Variants in SLC44A1 observed in about 807,000 individuals in gnomAD.
SLC44A1 encodes solute carrier family 44 member 1.
SLC44A1 carries 26 observed loss-of-function variants against 79.3 expected under a neutral mutation model. The observed-to-expected ratio is 0.33, with a 90% CI of 0.24 to 0.46. SLC44A1 has a LOEUF of 0.46. SLC44A1 is among the 20% of genes least tolerant of loss of function. The pLI is 1.00. For missense variants in SLC44A1, 688 were observed against 798.1 expected (o/e 0.86, Z 1.66); for synonymous variants, 263 against 286.2 (o/e 0.92, Z 0.82).
chr9:105,418,570 AC>A (rs1417684055), intron 15 of SLC44A1, among the ~76,000 whole-genome samples: 2 of 152,136 alleles, frequency 1.3e-5, no homozygotes, highest in Non-Finnish European at 2.9e-5. Context: ...ATGGAGTCTG[AC>A]AGTCATTAAC....
At chr9:105,285,816 G>A (rs550813820) in intron 1 of SLC44A1, among the ~76,000 whole-genome samples, 3 of 152,208 alleles carry the variant, frequency 2.0e-5, no homozygotes. Context: ...CTTCTTTTGT[G>A]GATCTTCAGT....
At chr9:105,268,504 G>C (rs1024623432) in intron 1 of SLC44A1, among the ~76,000 whole-genome samples, 1 of 151,828 alleles carries the variant, frequency 6.6e-6, no homozygotes, top group Non-Finnish European at 1.5e-5. Flanking sequence ...CTATTTTAAC[G>C]ATCTTCTTTT....
intron 1 of SLC44A1, among the ~76,000 whole-genome samples, chr9:105,269,094 C>T (rs1830024594): frequency 1.3e-5 from 2 of 152,056 alleles, no homozygotes; most frequent in South Asian, 2.1e-4. Context: ...TTTTATTATC[C>T]AGTGTATGTG....
intron 1 of SLC44A1, among the ~76,000 whole-genome samples, chr9:105,248,733 A>G (rs1401478307): frequency 6.6e-6 from 1 of 152,176 alleles, no homozygotes; most frequent in Non-Finnish European, 1.5e-5. Context: ...CTTAAAATTT[A>G]TTCCCATCTC....
intron 4 of SLC44A1, among the ~76,000 whole-genome samples, chr9:105,341,356 AAG>A (rs903248216): frequency 2.4e-4 from 36 of 150,996 alleles, no homozygotes; most frequent in Non-Finnish European, 4.4e-4. Flanking sequence ...AAAAAAGAAA[AAG>A]AAAATAATAA....
At chr9:105,415,094 A>G (rs1829150533) in intron 15 of SLC44A1, among the ~76,000 whole-genome samples, 1 of 152,218 alleles carries the variant, frequency 6.6e-6, no homozygotes, top group South Asian at 2.1e-4. Flanking sequence ...AACTTTGTGA[A>G]GGTAGCCAAG....
chr9:105,361,348 C>A lies in SLC44A1; in HGVS notation c.900+18C>A, dbSNP rs746035227. On this transcript the variant is annotated intron_variant, in intron 8 of 15. Transcript: ENST00000374720. ...TGTTCACAGTGAGTTTAGGCTTTGGCGTGTCTTTCGGTTTTGTGTTTTTGT... is the reference window on the plus strand; with the variant it reads ...TGTTCACAGTGAGTTTAGGCTTTGGAGTGTCTTTCGGTTTTGTGTTTTTGT... 1 of 1,563,268 alleles carries A rather than the reference C, an allele frequency of 6.4e-7. No individual in the cohort carries two copies.
Position 105,391,773 on chromosome 9 carries a change from A to G in SLC44A1, c.*2717A>G. On this transcript the variant is annotated 3_prime_UTR_variant, in exon 16 of 16. Transcript: ENST00000374720. ...AGTGAGAAGAATAGATGAAGAACAG[A>G]AATTTCTCTGTGAAATGTGGATACC... 1 of 985,378 alleles carries G rather than the reference A, an allele frequency of 1.0e-6. No individual in the cohort carries two copies. The allele number at this position is 985,378 out of a possible 1,614,324, so 61.0% of individuals were successfully genotyped here.
intron 1 of SLC44A1, among the ~76,000 whole-genome samples, chr9:105,288,050 G>A (rs1176926876): frequency 1.3e-5 from 2 of 152,146 alleles, no homozygotes; most frequent in Non-Finnish European, 2.9e-5. Context: ...TGGGAAAAAT[G>A]CATTATAAAT....
intron 4 of SLC44A1, among the ~76,000 whole-genome samples, chr9:105,343,406 T>C (rs1194386102): frequency 6.6e-6 from 1 of 152,250 alleles, no homozygotes; most frequent in East Asian, 1.9e-4. Context: ...TAATTGTGAA[T>C]ACTAATAAGT....
intron 15 of SLC44A1, among the ~76,000 whole-genome samples, chr9:105,424,964 A>AAAAGAAAG (rs1554691708): frequency 6.7e-6 from 1 of 148,284 alleles, no homozygotes; most frequent in African/African-American, 2.6e-5. Context: ...AAAAAAAAAG[A>AAAAGAAAG]AAAGAAAGAA....
intron 3 of SLC44A1, among the ~76,000 whole-genome samples, chr9:105,318,835 G>A (rs1826288331): frequency 6.6e-6 from 1 of 151,702 alleles, no homozygotes; most frequent in South Asian, 2.1e-4. Context: ...ATGCAGCTAG[G>A]CGGCAAGGAA....
intron 3 of SLC44A1, among the ~76,000 whole-genome samples, chr9:105,324,293 T>C (rs1826500961): frequency 1.3e-5 from 2 of 149,238 alleles, no homozygotes; most frequent in South Asian, 4.3e-4. Flanking sequence ...CTCTGTGGTC[T>C]AGGTGGGAGT....
At chr9:105,299,066 C>A (rs930821955) in intron 1 of SLC44A1, among the ~76,000 whole-genome samples, 154 bp from the exon 2 acceptor site, 1 of 152,120 alleles carries the variant, frequency 6.6e-6, no homozygotes, top group Non-Finnish European at 1.5e-5. Flanking sequence ...ATAAACGTCA[C>A]AGAAAAGGTG....
chr9:105,342,524 A>ATC (rs1827126101), intron 4 of SLC44A1, among the ~76,000 whole-genome samples: 1 of 152,120 alleles, frequency 6.6e-6, no homozygotes, highest in Non-Finnish European at 1.5e-5. Context: ...TTCAGCTTTC[A>ATC]TCTCAGCCCA....
At chr9:105,256,444 C>G (rs1228528901) in intron 1 of SLC44A1, among the ~76,000 whole-genome samples, 1 of 152,154 alleles carries the variant, frequency 6.6e-6, no homozygotes, top group African/African-American at 2.4e-5. Flanking sequence ...CAAAGTAAGT[C>G]CAGAAGTAGT....
At chr9:105,363,354 G>T (rs1279339336) in intron 9 of SLC44A1, among the ~76,000 whole-genome samples, 3 of 151,704 alleles carry the variant, frequency 2.0e-5, no homozygotes, top group African/African-American at 7.3e-5. Context: ...GTAGAGACAG[G>T]GTTTCACCAT....
At chr9:105,341,360 AAAT>A (rs901329156) in intron 4 of SLC44A1, among the ~76,000 whole-genome samples, 6 of 151,386 alleles carry the variant, frequency 4.0e-5, no homozygotes, top group African/African-American at 1.2e-4. Flanking sequence ...AAGAAAAAGA[AAAT>A]AATAATAATA....
intron 15 of SLC44A1, among the ~76,000 whole-genome samples, chr9:105,414,857 T>C (rs1829146693): frequency 6.6e-6 from 1 of 152,182 alleles, no homozygotes; most frequent in Admixed American, 6.5e-5. Flanking sequence ...TTCACCACTT[T>C]GGAATGTTTA....
Sources: allele counts gnomAD v4.1 joint callset (sites outside exome capture counted in the v4.1 genomes callset), GRCh38; gene constraint gnomAD v4.1.1; transcripts MANE v1.5; gene names NCBI Gene and HGNC (gene_info 2026-07-23, HGNC 2026-07-21).